Variants in ZIC1 observed in about 807,000 individuals in gnomAD.
ZIC1 encodes Zic family zinc finger 1, also known as zinc finger protein ZIC 1.
Under a neutral mutation model 30.9 loss-of-function variants are expected in ZIC1, and 4 were observed. The ratio of observed to expected loss-of-function variants is 0.13; its 90% CI spans 0.06 to 0.30. The LOEUF (loss-of-function observed/expected upper bound fraction) is 0.30. Ranked by LOEUF, ZIC1 falls within the 10% of genes least tolerant of loss-of-function variation. The pLI, the probability that ZIC1 is intolerant of heterozygous loss-of-function variation, is 1.00. For missense variants in ZIC1, 441 were observed against 639.3 expected, an observed-to-expected ratio of 0.69 and a Z score of 3.34; for synonymous variants, 305 against 277.5, an observed-to-expected ratio of 1.10 and a Z score of -0.98.
In ZIC1 at chr3:147,410,362, G is replaced by A; in HGVS notation, c.250G>A (p.Gly84Ser). The change falls in exon 1 of 3, where the codon GGC becomes AGC. Residue 84 changes from glycine to serine, a missense_variant. This residue lies in a region of ZIC1 where 307 missense variants were observed against 355.3 expected (regional missense o/e 0.86). Coordinates refer to ENST00000282928, the MANE Select transcript of ZIC1 (RefSeq NM_003412.4). ...AAALGHHHHPGHVGSYSSAAF... is the reference protein window; with the variant it reads ...AAALGHHHHPSHVGSYSSAAF... ...GGCCCTGGGCCATCACCATCACCCG[G>A]GCCACGTCGGCTCCTATTCCAGCGC... 1 of 1,601,240 alleles carries A rather than the reference G, an allele frequency of 6.2e-7. No individual in the cohort carries two copies. Among genetic ancestry groups the A allele is most frequent in the Non-Finnish European group, 8.5e-7 (1 of 1,179,564 alleles).
intron 2 of ZIC1, 136 bp downstream of exon 2, chr3:147,412,817 A>C: frequency 8.9e-7 from 1 of 1,129,688 alleles, no homozygotes; most frequent in Non-Finnish European, 1.3e-6. Flanking sequence ...ACTCAGTGGA[A>C]CTGGGCAGAG....
chr3:147,410,496 C>T lies in ZIC1; in HGVS notation c.384C>T (p.Phe128=), dbSNP rs2087360782. Residue 128 remains phenylalanine (F), a synonymous_variant, in exon 1 of 3, where the codon TTC becomes TTT. Transcript: ENST00000282928. ...TCTTTGCTGCATCGGCCGGGGGCTT[C>T]GGGGGCCCACACGGCCACACGGACG... ...HSLFAASAGG[F]GGPHGHTDAA... The T allele has an allele frequency of 1.9e-6, 3 of 1,605,954 alleles. No individual in the cohort carries two copies. The highest frequency in any genetic ancestry group is 2.5e-6 in the Non-Finnish European group (3 of 1,178,514).
Position 147,410,033 on chromosome 3 carries a change from C to T in ZIC1, c.-80C>T. ...CCTCTTCCTCCTCCTCTTGTTCCTC[C>T]TCCTCCTCCCGATTTTCCCTCCTCG... is the stretch of plus-strand genomic sequence containing the variant. On this transcript the variant is annotated 5_prime_UTR_variant, in exon 1 of 3. Transcript: ENST00000282928. 1 of 1,381,248 alleles carries T rather than the reference C, an allele frequency of 7.2e-7. No homozygotes were observed. The highest frequency in any genetic ancestry group is 9.4e-7 in the Non-Finnish European group (1 of 1,059,176). The allele number at this position is 1,381,248 out of a possible 1,614,324, so 85.6% of individuals were successfully genotyped here. A position where few individuals can be genotyped will look rare whatever the true frequency, so the allele number is the denominator to read the frequency against.
rs1017052690 is a variant in ZIC1 at position 147,410,889 on chromosome 3, G to A, written c.777G>A (p.Glu259=). The A allele has an allele frequency of 1.2e-5, 19 of 1,614,168 alleles. No homozygotes were observed. Among genetic ancestry groups the A allele is most frequent in the Non-Finnish European group, 1.6e-5 (19 of 1,180,058 alleles). Residue 259 remains glutamate, a synonymous_variant, in exon 1 of 3, where the codon GAG becomes GAA. Transcript: ENST00000282928. ...MHELVTHVTV[E]HVGGPEQSNH... is the part of the protein sequence containing the mutation. ...AGCTAGTTACGCACGTCACCGTGGA[G>A]CACGTAGGTGGCCCGGAGCAGAGTA...
rs759568881 is a variant in ZIC1 at position 147,413,383 on chromosome 3, G to A, written c.1176G>A (p.Gln392=). The A allele has an allele frequency of 1.9e-6, 3 of 1,613,736 alleles. No individual in the cohort carries two copies. The highest frequency in any genetic ancestry group is 2.7e-5 in the African/African-American group (2 of 74,866). Residue 392 remains glutamine (Q), a synonymous_variant, in exon 3 of 3, where the codon CAG becomes CAA. Transcript: ENST00000282928. ...KVHESSSQGS[Q]PSPAASSGYE... ...ACGAATCCTCCTCGCAGGGCTCGCA[G>A]CCTTCGCCGGCCGCCAGCTCTGGCT...
chr3:147,413,290 GCCTC>G, intron 2 of ZIC1, 60 bp from the exon 3 acceptor site: 1 of 1,554,256 alleles, frequency 6.4e-7, no homozygotes, highest in Non-Finnish European at 8.7e-7. Flanking sequence ...CGCGGCCTTC[GCCTC>G]TCTAGTCGGC....
rs1291788930 is a variant in ZIC1, at chr3:147,410,428, G to T, written c.316G>T (p.Gly106Cys). 6.2e-7 allele frequency: 1 copy of T among 1,603,792 alleles called. No homozygotes were observed. Among genetic ancestry groups the T allele is most frequent in the Non-Finnish European group, 8.5e-7 (1 of 1,179,676 alleles). ...GCGGGACTTTCTGTTCCGCAACCGG[G>T]GTTTTGGCGACGCGGCGGCGGCAGC... ...STRDFLFRNRGFGDAAAAASA... is the reference protein window; with the variant it reads ...STRDFLFRNRCFGDAAAAASA... Residue 106 changes from glycine to cysteine, a missense_variant, in exon 1 of 3, where the codon GGT becomes TGT. By Grantham distance (159) the Gly-to-Cys change is radical. Around this residue, in one of 5 missense-constraint regions of ZIC1, gnomAD observed 307 missense variants for 355.3 expected, o/e 0.86. Coordinates refer to ENST00000282928, the MANE Select transcript of ZIC1 (RefSeq NM_003412.4).
In ZIC1 at chr3:147,413,489, G is replaced by T; in HGVS notation, c.1282G>T (p.Ala428Ser). Residue 428 changes from alanine (A) to serine (S), a missense_variant, in exon 3 of 3, where the codon GCA (alanine) becomes TCA (serine). This residue lies in a region of ZIC1 where 56 missense variants were observed against 52.5 expected (regional missense o/e 1.07). Transcript: ENST00000282928. Reference sequence around the variant, plus strand: ...AAGCTCCTTATCGCCCTCCTCCTCCGCAGTCCACCACACAGCCGGCCACAG... The same window carrying T: ...AAGCTCCTTATCGCCCTCCTCCTCCTCAGTCCACCACACAGCCGGCCACAG... ...TTSSLSPSSS[A>S]VHHTAGHSAL... The T allele has an allele frequency of 1.2e-6, 2 of 1,613,954 alleles. No homozygotes were observed. The highest frequency in any genetic ancestry group is 1.1e-5 in the South Asian group (1 of 91,052).
intron 2 of ZIC1, among the ~76,000 whole-genome samples, chr3:147,412,987 G>T (rs1248946620): frequency 6.6e-6 from 1 of 152,240 alleles, no homozygotes; most frequent in Non-Finnish European, 1.5e-5. Flanking sequence ...TGCGGAAACT[G>T]CTGCCCTTGC....
At chr3:147,411,894 C>A (rs1286063333) in intron 1 of ZIC1, among the ~76,000 whole-genome samples, 1 of 152,098 alleles carries the variant, frequency 6.6e-6, no homozygotes, top group South Asian at 2.1e-4. Context: ...ATTCTGGGCC[C>A]CCTGCCCCCA....
rs1333054013 is a variant in ZIC1 at position 147,409,806 on chromosome 3, G to T, written c.-307G>T. 2.4e-6 allele frequency: 1 copy of T among 418,746 alleles called. No homozygotes were observed. Among genetic ancestry groups the T allele is most frequent in the Non-Finnish European group, 4.2e-6 (1 of 236,024 alleles). 25.9% of individuals were successfully genotyped at this position (418,746 alleles called of 1,614,324 possible). On this transcript the variant is annotated 5_prime_UTR_variant, in exon 1 of 3. Coordinates refer to ENST00000282928, the MANE Select transcript of ZIC1 (RefSeq NM_003412.4). ...GGCAGCCTTGACGCGCGGCCCTCTC[G>T]GCAGAGACTGAGCGGCGAGAAAGTG...
chr3:147,409,973 T>G lies in ZIC1; in HGVS notation c.-140T>G, dbSNP rs2107992413. ...GCCTGCAGGCTAGGACTTCGCGAGG[T>G]GGGTCGACTCCCCCTCCCTCCTCCT... On this transcript the variant is annotated 5_prime_UTR_variant, in exon 1 of 3. Coordinates refer to ENST00000282928, the MANE Select transcript of ZIC1 (RefSeq NM_003412.4). 1 of 943,834 alleles carries G rather than the reference T, an allele frequency of 1.1e-6. No homozygotes were observed. The highest frequency in any genetic ancestry group is 1.5e-6 in the Non-Finnish European group (1 of 672,326). 58.5% of individuals were successfully genotyped at this position (943,834 alleles called of 1,614,324 possible). A position where few individuals can be genotyped will look rare whatever the true frequency, so the allele number is the denominator to read the frequency against.
In ZIC1 at chr3:147,409,931, G is replaced by GGGCGC; in HGVS notation, c.-180_-176dup. On this transcript the variant is annotated 5_prime_UTR_variant, in exon 1 of 3. Coordinates refer to ENST00000282928, the MANE Select transcript of ZIC1 (RefSeq NM_003412.4). ...TTTGCGTTTGGCCCGGCCAGCGCCC[G>GGGCGC]GGCGCGCCGCGCCATTGCCTGCAGG... is the stretch of plus-strand genomic sequence containing the variant. The GGGCGC allele has an allele frequency of 3.1e-6, 2 of 637,896 alleles. No individual in the cohort carries two copies. The highest frequency in any genetic ancestry group is 5.4e-5 in the South Asian group (2 of 37,116). The allele number at this position is 637,896 out of a possible 1,614,324, so 39.5% of individuals were successfully genotyped here.
In ZIC1 at chr3:147,416,694, G is replaced by C. The variant is rs377427770; in HGVS notation, c.*3143G>C. 6.6e-6 allele frequency: 1 copy of C among 152,172 alleles called. No individual in the cohort carries two copies. Among genetic ancestry groups the C allele is most frequent in the Admixed American group, 6.5e-5 (1 of 15,282 alleles). The allele number at this position is 152,172 out of a possible 1,614,324, so 9.4% of individuals were successfully genotyped here. On this transcript the variant is annotated 3_prime_UTR_variant, in exon 3 of 3. Coordinates refer to ENST00000282928, the MANE Select transcript of ZIC1 (RefSeq NM_003412.4). ...ATAATCTTACTCACAGCAAGTAAAC[G>C]TAATAAAAGCCAACATTTAAGCCAA... is the stretch of plus-strand genomic sequence containing the variant.
intron 1 of ZIC1, among the ~76,000 whole-genome samples, chr3:147,412,081 A>C (rs1053587364): frequency 6.6e-6 from 1 of 151,070 alleles, no homozygotes; most frequent in Non-Finnish European, 1.5e-5. Flanking sequence ...GGTGGGTTGG[A>C]GGAGGCGACC....
chr3:147,415,694 C>CT lies in ZIC1; in HGVS notation c.*2144dup, dbSNP rs1220872044. On this transcript the variant is annotated 3_prime_UTR_variant, in exon 3 of 3. Transcript: ENST00000282928. ...AGGAAGCCACAGGCCATATTTGACT[C>CT]TGAGAAAGAAAACAAGAGGAAAAAC... The CT allele has an allele frequency of 6.6e-6, 1 of 152,200 alleles. No individual in the cohort carries two copies. Among genetic ancestry groups the CT allele is most frequent in the African/African-American group, 2.4e-5 (1 of 41,428 alleles). 9.4% of individuals were successfully genotyped at this position (152,200 alleles called of 1,614,324 possible).
chr3:147,413,663 C>A lies in ZIC1; in HGVS notation c.*112C>A, dbSNP rs1279694887. 1 of 1,256,212 alleles carries A rather than the reference C, an allele frequency of 8.0e-7. No homozygotes were observed. The highest frequency in any genetic ancestry group is 2.7e-5 in the East Asian group (1 of 37,040). The allele number at this position is 1,256,212 out of a possible 1,614,324, so 77.8% of individuals were successfully genotyped here. ...CAAAACAACCCCCACACAGACCCCG[C>A]AATCCTTTTTTAAAAAATCTGCCAA... On this transcript the variant is annotated 3_prime_UTR_variant, in exon 3 of 3. Transcript: ENST00000282928.
rs201100062 is a variant in ZIC1 at position 147,412,498 on chromosome 3, T to C, written c.983-20T>C. 183 of 1,613,340 alleles carry C rather than the reference T, an allele frequency of 1.1e-4. No individual in the cohort carries two copies. The highest frequency in any genetic ancestry group is 8.6e-5 in the Non-Finnish European group (102 of 1,179,846). On this transcript the variant is annotated intron_variant, in intron 1 of 2. Transcript: ENST00000282928. ...GTATTTTTTTCTAATTAGACCCCTC[T>C]CATTCTACTTTGGCACCAGGGGAGA...
Position 147,410,169 on chromosome 3 carries a change from G to A in ZIC1, c.57G>A (p.Ala19=), listed in dbSNP as rs756393471. The change falls in exon 1 of 3, where the codon GCG becomes GCA. Residue 19 remains alanine (A), a synonymous_variant. Transcript: ENST00000282928. ...YPAIGVTTFG[A]SRHHSAGDVA... ...CGATCGGCGTGACCACCTTTGGCGC[G>A]TCCCGCCACCACTCCGCGGGCGACG... 30 of 1,599,358 alleles carry A rather than the reference G, an allele frequency of 1.9e-5. No homozygotes were observed. The East Asian group carries it at 4.7e-4, about 25-fold the overall frequency.
Sources: gnomAD v4.1 joint callset for allele counts (sites outside exome capture counted in the v4.1 genomes callset) on GRCh38, gnomAD v4.1.1 for gene constraint, gnomAD v4.1.1 regional missense constraint, MANE v1.5 for transcripts, NCBI Gene and HGNC (gene_info 2026-07-23, HGNC 2026-07-21) for gene names.